The following ZNF43 variants were observed in gnomAD, a reference collection of about 807,000 sequenced individuals.
ZNF43 encodes the protein zinc finger protein 39-like 1 (KOX 27).
ZNF43 carries 44 observed loss-of-function variants against 68.4 expected under a neutral mutation model. The ratio of observed to expected loss-of-function variants is 0.64; its 90% CI spans 0.51 to 0.83. The LOEUF is 0.83. ZNF43 is among the 40% of genes least tolerant of loss of function. ZNF43 has a pLI of 0.00. For synonymous variants in ZNF43, 308 were observed against 307.8 expected, an observed-to-expected ratio of 1.00 and a Z score of -0.01; for missense variants, 896 against 933.2, an observed-to-expected ratio of 0.96 and a Z score of 0.52.
chr19:21,851,930 G>C (rs572110949), exon 1 of ZNF43: 1 of 1,576,198 alleles, frequency 6.3e-7, no homozygotes, highest in Non-Finnish European at 8.6e-7. Context: ...AGGATGTCCG[G>C]GCATCTTAGC....
intron 1 of ZNF43, among the ~76,000 whole-genome samples, chr19:21,819,453 T>G (rs2145220669): frequency 6.6e-6 from 1 of 152,358 alleles, no homozygotes; most frequent in Non-Finnish European, 1.5e-5. Flanking sequence ...AGTGTATATA[T>G]AATACTTTTC....
chr19:21,830,560 A>G (rs1022146063), intron 1 of ZNF43, among the ~76,000 whole-genome samples: 2 of 151,702 alleles, frequency 1.3e-5, no homozygotes, highest in Non-Finnish European at 1.5e-5. Flanking sequence ...AGACTGAAAA[A>G]AAAAAAAAAA....
Position 21,809,377 on chromosome 19 carries a change from A to C in ZNF43, c.660T>G (p.His220Gln), listed in dbSNP as rs575007077. ...AFNCPSIITKHKRINTGEKPY... is the reference protein window; with the variant it reads ...AFNCPSIITKQKRINTGEKPY... Reference sequence around the variant, plus strand: ...GTTTCTCTCCAGTATTAATTCTCTTATGTTTAGTGATGATTGAAGGGCAGT... The same window carrying C: ...GTTTCTCTCCAGTATTAATTCTCTTCTGTTTAGTGATGATTGAAGGGCAGT... Residue 220 changes from histidine to glutamine, a missense_variant, in exon 4 of 4, where the codon CAT (histidine) becomes CAG (glutamine). Physicochemically the swap from His to Gln is conservative, Grantham distance 24 (BLOSUM62 0). Coordinates refer to ENST00000354959, the MANE Select transcript of ZNF43 (RefSeq NM_003423.4). 2 of 1,613,498 alleles carry C rather than the reference A, an allele frequency of 1.2e-6. No homozygotes were observed. The highest frequency in any genetic ancestry group is 3.3e-5 in the Admixed American group (2 of 59,912).
intron 3 of ZNF43, among the ~76,000 whole-genome samples, chr19:21,815,566 T>C (rs1179764609): frequency 1.3e-5 from 2 of 150,368 alleles, no homozygotes; most frequent in African/African-American, 2.5e-5. Context: ...GAATAAATTA[T>C]ATTATTTATA....
chr19:21,840,098 C>A (rs1374204804), upstream of ZNF43: 4 of 152,178 alleles, frequency 2.6e-5, no homozygotes, highest in Admixed American at 2.6e-4. Flanking sequence ...AGTTACATCA[C>A]CTGGATGTTG....
chr19:21,846,110 T>C (rs1314137373), intron 1 of ZNF43, among the ~76,000 whole-genome samples: 2 of 151,854 alleles, frequency 1.3e-5, no homozygotes, highest in South Asian at 2.1e-4. Context: ...GGCCCAGGGG[T>C]ATTTCCTAGT....
At chr19:21,824,651 G>C (rs1288183486) in intron 1 of ZNF43, among the ~76,000 whole-genome samples, 1 of 150,846 alleles carries the variant, frequency 6.6e-6, no homozygotes, top group African/African-American at 2.4e-5. Flanking sequence ...TGCATTCTTG[G>C]GTGTTAAAGC....
rs183805130 is a variant in ZNF43 at position 21,847,026 on chromosome 19, C to T, written c.30+4879G>A. Among the ~76,000 whole-genome samples the T allele has an allele frequency of 2.6e-5, 4 of 152,302 alleles. No individual in the cohort carries two copies. The East Asian group carries it at 5.8e-4, about 22-fold the overall frequency. On this transcript the variant is annotated intron_variant, in intron 1 of 3. Coordinates refer to the ZNF43 transcript ENST00000357491. ...GGGCGTAGCAATATGCTACAATGTT[C>T]CTGTAAGCAGGGACCAGACAGAAGA...
chr19:21,813,259 A>C (rs1189506548), intron 3 of ZNF43, among the ~76,000 whole-genome samples: 11 of 151,920 alleles, frequency 7.2e-5, no homozygotes, highest in Admixed American at 7.2e-4. Context: ...AAAAAAAAAA[A>C]TTATAAATGT....
At chr19:21,832,918 G>A (rs1449882686) in intron 1 of ZNF43, among the ~76,000 whole-genome samples, 1 of 151,958 alleles carries the variant, frequency 6.6e-6, no homozygotes, top group Non-Finnish European at 1.5e-5. Context: ...AACACTTCTA[G>A]GAGGTACCAA....
intron 3 of ZNF43, among the ~76,000 whole-genome samples, chr19:21,817,522 T>C (rs1346614628): frequency 6.6e-6 from 1 of 152,154 alleles, no homozygotes; most frequent in Non-Finnish European, 1.5e-5. Flanking sequence ...TCAGACATGA[T>C]GTAAAGAAAG....
Position 21,848,127 on chromosome 19 carries a change from G to GTA in ZNF43, c.30+3776_30+3777dup, listed in dbSNP as rs1968092627. ...GAGGCCACTGTGCCCGGCCTTATAT[G>GTA]TAACAATTTGTTGTTGTTGTTGTTG... is the stretch of plus-strand genomic sequence containing the variant. On this transcript the variant is annotated intron_variant, in intron 1 of 3. Transcript: ENST00000357491. Among the ~76,000 whole-genome samples, 11 of 151,330 alleles carry GTA rather than the reference G, an allele frequency of 7.3e-5. 1 individual carries two copies. The South Asian group carries it at 2.4e-3, about 32-fold the overall frequency.
intron 1 of ZNF43, among the ~76,000 whole-genome samples, chr19:21,821,443 GTAT>G (rs2037841324): frequency 6.6e-6 from 1 of 152,056 alleles, no homozygotes; most frequent in Non-Finnish European, 1.5e-5. Flanking sequence ...TATCCTGATA[GTAT>G]TTTTCAGAAC....
At chr19:21,847,620 C>A (rs1408658108) in intron 1 of ZNF43, among the ~76,000 whole-genome samples, 4 of 151,974 alleles carry the variant, frequency 2.6e-5, no homozygotes, top group African/African-American at 7.3e-5. Flanking sequence ...TCACTTGAAC[C>A]TGGGAGGCGG....
chr19:21,834,664 C>A (rs1399066191), intron 1 of ZNF43, among the ~76,000 whole-genome samples: 1 of 151,480 alleles, frequency 6.6e-6, no homozygotes, highest in Non-Finnish European at 1.5e-5. Context: ...GAGGCTGAGG[C>A]AGGAGAATCG....
At chr19:21,837,412 TTAC>T (rs927866408), upstream of ZNF43, among the ~76,000 whole-genome samples, 10 of 144,630 alleles carry the variant, frequency 6.9e-5, no homozygotes, top group African/African-American at 2.1e-4. Flanking sequence ...TTGCCTACAC[TTAC>T]TTTTTTTTTT....
intron 3 of ZNF43, among the ~76,000 whole-genome samples, chr19:21,815,922 G>T (rs1282770995): frequency 1.3e-5 from 2 of 151,972 alleles, no homozygotes; most frequent in Non-Finnish European, 2.9e-5. Flanking sequence ...TTAGCCAGGT[G>T]TGATGGGGGA....
chr19:21,822,930 G>C (rs116480376), intron 1 of ZNF43, among the ~76,000 whole-genome samples: 3,524 of 152,102 alleles, frequency 0.023, 147 homozygotes, highest in African/African-American at 0.078. Context: ...TTTTTTAGCC[G>C]CTGCCCTGTC....
chr19:21,846,079 A>C (rs1159869743), intron 1 of ZNF43, among the ~76,000 whole-genome samples: 1 of 152,162 alleles, frequency 6.6e-6, no homozygotes, highest in African/African-American at 2.4e-5. Context: ...CAGGCAGAAA[A>C]GTCACATCAC....
Sources: gnomAD v4.1 joint callset for allele counts (sites outside exome capture counted in the v4.1 genomes callset) on GRCh38, gnomAD v4.1.1 for gene constraint, MANE v1.5 for transcripts, NCBI Gene and HGNC (gene_info 2026-07-23, HGNC 2026-07-21) for gene names.